The following PTN variants were observed in gnomAD, a reference collection of about 807,000 sequenced individuals.
PTN encodes the protein heparin affin regulatory protein.
PTN carries 18 observed loss-of-function variants against 24.1 expected under a neutral mutation model. That is an observed-to-expected ratio of 0.75 (90% CI 0.52 to 1.11). The LOEUF is 1.11. PTN is among the 50% of genes least tolerant of loss of function. The pLI is 0.00. For synonymous variants in PTN, 78 were observed against 68.6 expected (o/e 1.14, Z -0.67); for missense variants, 163 against 198.8 (o/e 0.82, Z 1.08).
chr7:137,250,873 G>T (rs1438901039), intron 4 of PTN, among the ~76,000 whole-genome samples: 1 of 152,172 alleles, frequency 6.6e-6, no homozygotes, highest in Non-Finnish European at 1.5e-5. Context: ...ATTTAAAATT[G>T]TCTCCGTCAT....
rs553683632 is a variant in PTN at position 137,289,715 on chromosome 7, C to T, written c.-1-34741G>A. 5.9e-5 allele frequency among the ~76,000 whole-genome samples: 9 copies of T among 152,240 alleles called. No homozygotes were observed. In the South Asian group the frequency reaches 1.7e-3, roughly 28 times the overall value. On this transcript the variant is annotated intron_variant, in intron 1 of 4. Coordinates refer to ENST00000348225, the MANE Select transcript of PTN (RefSeq NM_002825.7). ...GCTGACAGCAAGGAAAGAGGTACCT[C>T]ATTCCTGCAACTGCAACAAACTAAA...
intron 4 of PTN, among the ~76,000 whole-genome samples, chr7:137,244,642 T>C (rs745452805): frequency 9.2e-5 from 14 of 151,908 alleles, no homozygotes; most frequent in Non-Finnish European, 1.6e-4. Flanking sequence ...TTGGTTTTTT[T>C]TGTCCTTGCA....
chr7:137,331,032 T>C (rs1290788735), intron 1 of PTN, among the ~76,000 whole-genome samples: 1 of 152,210 alleles, frequency 6.6e-6, no homozygotes, highest in Non-Finnish European at 1.5e-5. Context: ...CTTCTATCTA[T>C]GGGATTCTTG....
intron 4 of PTN, among the ~76,000 whole-genome samples, chr7:137,246,811 G>T (rs560888023): frequency 6.6e-6 from 1 of 152,194 alleles, no homozygotes; most frequent in Non-Finnish European, 1.5e-5. Context: ...GCATCGTGCA[G>T]TTGAAAAGGC....
intron 1 of PTN, among the ~76,000 whole-genome samples, chr7:137,285,861 A>C (rs952664799): frequency 4.6e-5 from 7 of 152,208 alleles, no homozygotes; most frequent in African/African-American, 1.7e-4. Context: ...TAAGTGAGTA[A>C]ATTTTAAAAG....
chr7:137,282,513 C>T (rs1809489157), intron 1 of PTN, among the ~76,000 whole-genome samples: 1 of 152,116 alleles, frequency 6.6e-6, no homozygotes, highest in African/African-American at 2.4e-5. Context: ...GCTCCCTCAT[C>T]ATGTCCAACA....
chr7:137,262,982 T>G (rs1809069561), intron 1 of PTN, among the ~76,000 whole-genome samples: 1 of 152,156 alleles, frequency 6.6e-6, no homozygotes, highest in Non-Finnish European at 1.5e-5. Flanking sequence ...CATGAGAGGG[T>G]CTCTCTCGTC....
intron 1 of PTN, among the ~76,000 whole-genome samples, chr7:137,342,884 G>A (rs760082254): frequency 2.6e-5 from 4 of 152,060 alleles, no homozygotes; most frequent in Non-Finnish European, 4.4e-5. Flanking sequence ...GTGGGAAGAC[G>A]GGTGCCAGTA....
chr7:137,235,671 G>A (rs1808507105), intron 4 of PTN, among the ~76,000 whole-genome samples: 1 of 152,012 alleles, frequency 6.6e-6, no homozygotes, highest in Admixed American at 6.6e-5. Flanking sequence ...CGATATGTGT[G>A]GAAAACATGT....
intron 1 of PTN, among the ~76,000 whole-genome samples, chr7:137,268,240 C>T (rs1245918322): frequency 3.3e-5 from 5 of 152,060 alleles, no homozygotes; most frequent in Admixed American, 1.3e-4. Context: ...CGCGTCGCTC[C>T]GGCTGGTTGG....
intron 1 of PTN, among the ~76,000 whole-genome samples, chr7:137,338,805 C>A (rs1810488271): frequency 6.6e-6 from 1 of 152,034 alleles, no homozygotes; most frequent in Admixed American, 6.6e-5. Context: ...TAGAATTGTG[C>A]CTGAATGATT....
At chr7:137,271,691 G>C (rs1176825438) in intron 1 of PTN, among the ~76,000 whole-genome samples, 1 of 152,120 alleles carries the variant, frequency 6.6e-6, no homozygotes, top group Non-Finnish European at 1.5e-5. Context: ...GAGAATCACA[G>C]AATTGTTTAG....
chr7:137,278,256 G>A (rs1181466995), intron 1 of PTN, among the ~76,000 whole-genome samples: 1 of 131,734 alleles, frequency 7.6e-6, no homozygotes, highest in East Asian at 2.3e-4. Flanking sequence ...GCAGTGAGCC[G>A]AGATCGCGCC....
At chr7:137,244,302 A>G (rs186758977) in intron 4 of PTN, among the ~76,000 whole-genome samples, 2 of 152,034 alleles carry the variant, frequency 1.3e-5, no homozygotes, top group Non-Finnish European at 2.9e-5. Context: ...TTATTTCTGC[A>G]TAAGAGCATG....
intron 1 of PTN, among the ~76,000 whole-genome samples, chr7:137,339,271 A>G (rs1040136409): frequency 6.6e-6 from 1 of 152,112 alleles, no homozygotes; most frequent in Non-Finnish European, 1.5e-5. Context: ...TACCAAACAC[A>G]AAGTATTAGA....
intron 1 of PTN, among the ~76,000 whole-genome samples, chr7:137,310,743 T>C (rs1456649373): frequency 6.6e-6 from 1 of 152,192 alleles, no homozygotes; most frequent in Non-Finnish European, 1.5e-5. Context: ...GAAAATGTGT[T>C]ATTTAGTGTA....
chr7:137,280,691 T>TAACAAAAAAAAAAAAAAA (rs760779128), intron 1 of PTN, among the ~76,000 whole-genome samples: 27 of 14,750 alleles, frequency 1.8e-3, no homozygotes, highest in South Asian at 8.4e-3. Flanking sequence ...CCGTCTCTAC[T>TAACAAAAAAAAAAAAAAA]AAAAATACAA....
At chr7:137,278,240 G>C (rs1809399782) in intron 1 of PTN, among the ~76,000 whole-genome samples, 1 of 144,544 alleles carries the variant, frequency 6.9e-6, no homozygotes, top group African/African-American at 2.6e-5. Context: ...CCGGGAGGCG[G>C]AGCTTGCAGT....
At chr7:137,238,065 T>G (rs923494541) in intron 4 of PTN, among the ~76,000 whole-genome samples, 2 of 152,188 alleles carry the variant, frequency 1.3e-5, no homozygotes, top group African/African-American at 4.8e-5. Context: ...CAAATATTGT[T>G]TACTCCTCTA....
Sources: gnomAD v4.1 joint callset for allele counts (sites outside exome capture counted in the v4.1 genomes callset) on GRCh38, gnomAD v4.1.1 for gene constraint, MANE v1.5 for transcripts, NCBI Gene and HGNC (gene_info 2026-07-23, HGNC 2026-07-21) for gene names.